Variants in SOBP observed in about 807,000 individuals in gnomAD.
The protein encoded by SOBP is sine oculis-binding protein homolog.
A neutral mutation model predicts 53.6 loss-of-function variants in SOBP; 4 were observed. The ratio of observed to expected loss-of-function variants is 0.07; its 90% CI spans 0.04 to 0.17. SOBP has a LOEUF of 0.17. Ranked by LOEUF, SOBP falls within the 10% of genes least tolerant of loss-of-function variation. The pLI is 1.00. For synonymous variants in SOBP, 584 were observed against 522.6 expected (o/e 1.12, Z -1.60); for missense variants, 1,088 against 1,204.7 (o/e 0.90, Z 1.43).
intron 6 of SOBP, among the ~76,000 whole-genome samples, chr6:107,651,144 G>A (rs1362003968): frequency 1.3e-5 from 2 of 152,136 alleles, no homozygotes; most frequent in Non-Finnish European, 2.9e-5. Flanking sequence ...GTGCACACCT[G>A]TAGTCCCAAT....
chr6:107,571,787 G>A (rs1482770985), intron 4 of SOBP, among the ~76,000 whole-genome samples: 1 of 152,176 alleles, frequency 6.6e-6, no homozygotes, highest in Non-Finnish European at 1.5e-5. Context: ...AGGAATCGCT[G>A]CCACAGATGC....
chr6:107,530,807 A>G (rs1447592413), intron 3 of SOBP, among the ~76,000 whole-genome samples: 1 of 152,224 alleles, frequency 6.6e-6, no homozygotes, highest in African/African-American at 2.4e-5. Flanking sequence ...AGCCAGATAT[A>G]AAAGTGCACA....
chr6:107,647,230 A>G (rs1441360445), intron 6 of SOBP, among the ~76,000 whole-genome samples: 3 of 152,212 alleles, frequency 2.0e-5, no homozygotes, highest in Non-Finnish European at 4.4e-5. Flanking sequence ...CCAACAATGC[A>G]TGAGACTTAG....
intron 5 of SOBP, among the ~76,000 whole-genome samples, chr6:107,630,437 C>A (rs1770656526): frequency 6.6e-6 from 1 of 152,172 alleles, no homozygotes; most frequent in Non-Finnish European, 1.5e-5. Flanking sequence ...ACTACCACAT[C>A]TTAAGTAATC....
intron 4 of SOBP, among the ~76,000 whole-genome samples, chr6:107,557,623 G>A (rs1784652349): frequency 6.6e-6 from 1 of 152,208 alleles, no homozygotes; most frequent in South Asian, 2.1e-4. Context: ...GTGCCAGGTA[G>A]TGGATTTGAA....
intron 5 of SOBP, among the ~76,000 whole-genome samples, chr6:107,616,066 C>G (rs1309612715): frequency 5.7e-5 from 4 of 69,992 alleles, no homozygotes; most frequent in African/African-American, 2.9e-4. Context: ...AGGATGCCTA[C>G]TCATTGAGGA....
At chr6:107,623,273 A>G (rs1009067995) in intron 5 of SOBP, among the ~76,000 whole-genome samples, 1 of 152,204 alleles carries the variant, frequency 6.6e-6, no homozygotes, top group African/African-American at 2.4e-5. Flanking sequence ...CTGCAAAAGG[A>G]GCTGAACCCT....
Position 107,587,117 on chromosome 6 carries a change from A to C in SOBP, c.611A>C (p.Gln204Pro). 1 of 1,613,674 alleles carries C rather than the reference A, an allele frequency of 6.2e-7. No individual in the cohort carries two copies. Among genetic ancestry groups the C allele is most frequent in the Non-Finnish European group, 8.5e-7 (1 of 1,179,748 alleles). The change falls in exon 5 of 7, where the codon CAG (glutamine) becomes CCG (proline). Residue 204 changes from glutamine (Q) to proline (P), a missense_variant. Physicochemically the swap from Gln to Pro is moderately conservative, Grantham distance 76. Around this residue, in one of 6 missense-constraint regions of SOBP, gnomAD observed 55 missense variants for 134.3 expected, o/e 0.41. Transcript: ENST00000317357. The stretch of plus-strand genomic sequence containing the variant: ...GATGGACATGCTGAAAATTTTCCCC[A>C]GCAGCACTATGCTAAGGAAACTCCA... ...DEDGHAENFPQQHYAKETPRL... is the reference protein window; with the variant it reads ...DEDGHAENFPPQHYAKETPRL...
At chr6:107,625,515 A>AAGTG (rs1336745086) in intron 5 of SOBP, among the ~76,000 whole-genome samples, 1 of 152,230 alleles carries the variant, frequency 6.6e-6, no homozygotes, top group African/African-American at 2.4e-5. Context: ...AAGTGGGCTA[A>AAGTG]GGTAGTGGAC....
intron 1 of SOBP, among the ~76,000 whole-genome samples, chr6:107,493,529 A>G (rs1782629150): frequency 6.6e-6 from 1 of 152,198 alleles, no homozygotes; most frequent in Admixed American, 6.5e-5. Context: ...AGGGAATTTT[A>G]TCGTGGTGTA....
At chr6:107,559,741 T>C (rs1784721143) in intron 4 of SOBP, among the ~76,000 whole-genome samples, 1 of 152,222 alleles carries the variant, frequency 6.6e-6, no homozygotes, top group Admixed American at 6.5e-5. Context: ...TCTTATTTTG[T>C]GTTGTGTGAG....
At chr6:107,606,007 T>G (rs1212666064) in intron 5 of SOBP, among the ~76,000 whole-genome samples, 1 of 151,454 alleles carries the variant, frequency 6.6e-6, no homozygotes, top group African/African-American at 2.4e-5. Flanking sequence ...CCACTACACA[T>G]TCACACACCC....
intron 5 of SOBP, among the ~76,000 whole-genome samples, chr6:107,591,690 A>G (rs1345517055): frequency 3.3e-5 from 5 of 152,200 alleles, no homozygotes; most frequent in Non-Finnish European, 7.3e-5. Context: ...AATAACTGAC[A>G]CTATCCTATC....
rs1388487503 is a variant in SOBP at position 107,633,968 on chromosome 6, C to A, written c.1124C>A (p.Pro375His). 6.2e-7 allele frequency: 1 copy of A among 1,614,178 alleles called. No homozygotes were observed. The highest frequency in any genetic ancestry group is 1.1e-5 in the South Asian group (1 of 91,088). ...SVQPPASIGP[P>H]LGVPPRSPPM... ...CAGCCACCTGCTAGCATCGGGCCTCCCCTTGGCGTCCCGCCTCGGAGCCCT... is the reference window on the plus strand; with the variant it reads ...CAGCCACCTGCTAGCATCGGGCCTCACCTTGGCGTCCCGCCTCGGAGCCCT... Residue 375 changes from proline (P) to histidine (H), a missense_variant, in exon 6 of 7, where the codon CCC becomes CAC. Pro to His is a moderately conservative substitution (Grantham distance 77). Around this residue, in one of 6 missense-constraint regions of SOBP, gnomAD observed 211 missense variants for 258.9 expected, o/e 0.82. Transcript: ENST00000317357.
At chr6:107,499,009 T>A (rs1782767949) in intron 1 of SOBP, among the ~76,000 whole-genome samples, 2 of 152,196 alleles carry the variant, frequency 1.3e-5, no homozygotes, top group African/African-American at 4.8e-5. Flanking sequence ...TTAAGGAAAC[T>A]AGAGGTCAAT....
chr6:107,490,881 C>T (rs1026178422), intron 1 of SOBP, among the ~76,000 whole-genome samples, 169 bp downstream of exon 1: 3 of 152,026 alleles, frequency 2.0e-5, no homozygotes, highest in East Asian at 3.9e-4. Flanking sequence ...AACTCGAGGG[C>T]TGCATCCCCG....
rs111458902 is a variant in SOBP, at chr6:107,655,555, G to A, written c.*4-2652G>A. Among the ~76,000 whole-genome samples the A allele has an allele frequency of 2.8e-4, 43 of 152,310 alleles. 3 individuals are homozygous for A. The highest frequency in any genetic ancestry group is 9.9e-4 in the African/African-American group (41 of 41,548). ...TTCTCTTAAAATAAGCTTCGTGTGA[G>A]CAAGCTTTTCAGAGCAGCAGGACTA... On this transcript the variant is annotated intron_variant, in intron 6 of 6. Transcript: ENST00000317357.
chr6:107,514,788 A>G (rs1385666353), intron 3 of SOBP: 2 of 152,158 alleles, frequency 1.3e-5, no homozygotes, highest in East Asian at 1.9e-4. Flanking sequence ...TGTGACTTGT[A>G]TGGTTAGTTG....
intron 3 of SOBP, among the ~76,000 whole-genome samples, chr6:107,526,631 C>T (rs1783673618): frequency 1.3e-5 from 2 of 152,222 alleles, no homozygotes; most frequent in Non-Finnish European, 2.9e-5. Context: ...ACCTCAGGTC[C>T]TATCCAGCTC....
Sources: gnomAD v4.1 joint callset for allele counts (sites outside exome capture counted in the v4.1 genomes callset) on GRCh38, gnomAD v4.1.1 for gene constraint, gnomAD v4.1.1 regional missense constraint, MANE v1.5 for transcripts, NCBI Gene and HGNC (gene_info 2026-07-23, HGNC 2026-07-21) for gene names.